The following LNPEP variants were observed in gnomAD, a reference collection of about 807,000 sequenced individuals.
The protein encoded by LNPEP is leucyl and cystinyl aminopeptidase, also known as leucyl-cystinyl aminopeptidase.
A neutral mutation model predicts 120.6 loss-of-function variants in LNPEP; 64 were observed. The ratio of observed to expected loss-of-function variants is 0.53; its 90% CI spans 0.43 to 0.65. LNPEP has a LOEUF of 0.65. LNPEP is among the 30% of genes least tolerant of loss of function. The pLI is 0.00. For missense variants in LNPEP, 1,057 were observed against 1,200.0 expected, an observed-to-expected ratio of 0.88 and a Z score of 1.76; for synonymous variants, 435 against 425.4, an observed-to-expected ratio of 1.02 and a Z score of -0.28.
At chr5:97,014,029 G>A (rs1561452485) in intron 12 of LNPEP, among the ~76,000 whole-genome samples, 198 bp downstream of exon 12, 1 of 152,134 alleles carries the variant, frequency 6.6e-6, no homozygotes, top group East Asian at 1.9e-4. Context: ...ACAGTTAAAT[G>A]AAACAGGATT....
intron 1 of LNPEP, among the ~76,000 whole-genome samples, chr5:96,972,192 G>A (rs1418275678): frequency 6.6e-6 from 1 of 152,040 alleles, no homozygotes; most frequent in Admixed American, 6.6e-5. Flanking sequence ...AAAGCCTAAG[G>A]TGTTTATCAG....
chr5:97,020,771 C>T (rs1355332602), intron 13 of LNPEP, among the ~76,000 whole-genome samples: 1 of 152,114 alleles, frequency 6.6e-6, no homozygotes, highest in African/African-American at 2.4e-5. Context: ...CACTGCATTC[C>T]AGCCTGGGCA....
At chr5:96,961,578 C>T (rs190726973) in intron 1 of LNPEP, among the ~76,000 whole-genome samples, 1 of 152,138 alleles carries the variant, frequency 6.6e-6, no homozygotes, top group East Asian at 1.9e-4. Flanking sequence ...AACAAAGTGT[C>T]AGCAGCATGG....
intron 8 of LNPEP, among the ~76,000 whole-genome samples, chr5:97,000,792 A>G (rs1461312315): frequency 1.3e-5 from 2 of 152,320 alleles, no homozygotes; most frequent in East Asian, 1.9e-4. Context: ...AGCAGTGAGT[A>G]TGACTATATG....
chr5:97,037,035 A>G lies in LNPEP; in HGVS notation c.*8502A>G, dbSNP rs1211690638. 6.6e-6 allele frequency: 1 copy of G among 152,184 alleles called. No homozygotes were observed. Among genetic ancestry groups the G allele is most frequent in the Non-Finnish European group, 1.5e-5 (1 of 68,024 alleles). The allele number at this position is 152,184 out of a possible 1,614,324, so 9.4% of individuals were successfully genotyped here. ...CCATCAGTACAATAATACGCTGTGT[A>G]TGTATGTGTATATAAAATGAGAATT... On this transcript the variant is annotated 3_prime_UTR_variant, in exon 18 of 18. Transcript: ENST00000231368.
Position 97,006,432 on chromosome 5 carries a change from T to C in LNPEP, c.1952T>C (p.Leu651Pro). ...CCAATGTTTTCTCTTTACAGCTACC[T>C]GTGGCATATTCCACTATCCTATGTC... Reference protein sequence around the residue: ...PEIQPSDTSYLWHIPLSYVTE... With the variant: ...PEIQPSDTSYPWHIPLSYVTE... The change falls in exon 11 of 18, where the codon CTG becomes CCG. Residue 651 changes from leucine to proline, a missense_variant. Physicochemically the swap from Leu to Pro is moderately conservative, Grantham distance 98. Coordinates refer to ENST00000231368, the MANE Select transcript of LNPEP (RefSeq NM_005575.3). The C allele has an allele frequency of 1.3e-6, 2 of 1,558,474 alleles. No individual in the cohort carries two copies. Among genetic ancestry groups the C allele is most frequent in the Non-Finnish European group, 1.8e-6 (2 of 1,135,904 alleles).
intron 1 of LNPEP, among the ~76,000 whole-genome samples, chr5:96,946,535 C>T (rs1011503178): frequency 6.6e-6 from 1 of 152,112 alleles, no homozygotes; most frequent in Admixed American, 6.5e-5. Context: ...AATATTATTG[C>T]GATAAAGACT....
intron 17 of LNPEP, 64 bp from the exon 18 acceptor site, chr5:97,028,338 C>T (rs755430321): frequency 1.4e-5 from 21 of 1,473,982 alleles, no homozygotes; most frequent in Non-Finnish European, 2.0e-5. Flanking sequence ...ATTTTAAAAG[C>T]TGGGGTTACC....
At chr5:96,950,451 G>T (rs1789295175) in intron 1 of LNPEP, among the ~76,000 whole-genome samples, 1 of 152,208 alleles carries the variant, frequency 6.6e-6, no homozygotes, top group Admixed American at 6.5e-5. Context: ...ATATACCATA[G>T]AGTTGGTGAG....
intron 1 of LNPEP, among the ~76,000 whole-genome samples, chr5:96,961,750 A>G (rs1789613782): frequency 6.6e-6 from 1 of 152,166 alleles, no homozygotes; most frequent in Non-Finnish European, 1.5e-5. Flanking sequence ...ATTACTTACA[A>G]AACATAATAC....
intron 1 of LNPEP, 62 bp downstream of exon 1, chr5:96,936,236 T>G: frequency 7.6e-7 from 1 of 1,316,062 alleles, no homozygotes; most frequent in Non-Finnish European, 9.9e-7. Context: ...TCGTGGGCAG[T>G]CGTGACACGC....
At chr5:97,006,372 TTA>T in intron 10 of LNPEP, 53 bp from the exon 11 acceptor site, 1 of 1,202,794 alleles carries the variant, frequency 8.3e-7, no homozygotes, top group South Asian at 1.4e-5. Flanking sequence ...TCCTACCAAA[TTA>T]AAAAAAAAAA....
At chr5:97,015,630 A>G (rs1274262111) in intron 13 of LNPEP, among the ~76,000 whole-genome samples, 3 of 152,118 alleles carry the variant, frequency 2.0e-5, no homozygotes, top group Non-Finnish European at 4.4e-5. Context: ...AACAGTTGTT[A>G]TTTTGGATAC....
Position 97,008,337 on chromosome 5 carries a change from G to GTTTTTTTTTTTTTTTTTTTTTTTTTT in LNPEP, c.2035+1828_2035+1853dup, listed in dbSNP as rs781727347. Among the ~76,000 whole-genome samples, 188 of 59,846 alleles carry GTTTTTTTTTTTTTTTTTTTTTTTTTT rather than the reference G, an allele frequency of 3.1e-3. 29 individuals carry two copies. Among genetic ancestry groups the GTTTTTTTTTTTTTTTTTTTTTTTTTT allele is most frequent in the Middle Eastern group, 0.03 (2 of 66 alleles). The allele number at this position is 59,846 out of a possible 152,430, so 39.3% of individuals were successfully genotyped here. A position where few individuals can be genotyped will look rare whatever the true frequency, so the allele number is the denominator to read the frequency against. On this transcript the variant is annotated intron_variant, in intron 11 of 17. Coordinates refer to ENST00000231368, the MANE Select transcript of LNPEP (RefSeq NM_005575.3). ...TTGATTTTTTTGTTTGTTTTTTCTTGTTTTTTTTTTTTTTTTTTTTTTTTT... is the reference window on the plus strand; with the variant it reads ...TTGATTTTTTTGTTTGTTTTTTCTTGTTTTTTTTTTTTTTTTTTTTTTTTTTTTTTTTTTTTTTTTTTTTTTTTTTT...
intron 1 of LNPEP, among the ~76,000 whole-genome samples, chr5:96,964,405 A>G (rs1039637096): frequency 4.6e-5 from 7 of 151,944 alleles, no homozygotes; most frequent in Non-Finnish European, 7.4e-5. Context: ...ACCTCTCAGA[A>G]ATGACCAGTT....
intron 1 of LNPEP, among the ~76,000 whole-genome samples, chr5:96,949,448 A>G (rs940794773): frequency 5.3e-5 from 8 of 152,164 alleles, no homozygotes; most frequent in Admixed American, 1.3e-4. Context: ...TTACAGTTTC[A>G]TCCCAAAACC....
chr5:97,014,276 C>T (rs777722117), intron 12 of LNPEP, among the ~76,000 whole-genome samples: 1 of 152,036 alleles, frequency 6.6e-6, no homozygotes, highest in African/African-American at 2.4e-5. Context: ...AATCCCAAAG[C>T]CAAGGATGAC....
chr5:97,019,366 G>A (rs1459004062), intron 13 of LNPEP, among the ~76,000 whole-genome samples: 1 of 152,002 alleles, frequency 6.6e-6, no homozygotes, highest in African/African-American at 2.4e-5. Context: ...TGAAGCACAT[G>A]CTATGCCTCA....
Position 96,993,810 on chromosome 5 carries a change from T to C in LNPEP, c.1253-7T>C, listed in dbSNP as rs1790447636. On this transcript the variant is annotated splice_region_variant and splice_polypyrimidine_tract_variant and intron_variant, in intron 5 of 17. Coordinates refer to ENST00000231368, the MANE Select transcript of LNPEP (RefSeq NM_005575.3). ...AAAGTTGATCACTTATTTCCTGTTA[T>C]GTCCAGATTTGGTGGCTATTCCTGA... 1.2e-6 allele frequency: 2 copies of C among 1,613,130 alleles called. No individual in the cohort carries two copies. Among genetic ancestry groups the C allele is most frequent in the South Asian group, 1.1e-5 (1 of 90,896 alleles).
Sources: gnomAD v4.1 joint callset for allele counts (sites outside exome capture counted in the v4.1 genomes callset) on GRCh38, gnomAD v4.1.1 for gene constraint, MANE v1.5 for transcripts, NCBI Gene and HGNC (gene_info 2026-07-23, HGNC 2026-07-21) for gene names.